The following VPS13B variants were observed in gnomAD, a reference collection of about 807,000 sequenced individuals.
VPS13B encodes the protein intermembrane lipid transfer protein VPS13B.
A neutral mutation model predicts 426.4 loss-of-function variants in VPS13B; 285 were observed. The ratio of observed to expected loss-of-function variants is 0.67; its 90% CI spans 0.61 to 0.74. The LOEUF is 0.74. Ranked by LOEUF, VPS13B falls within the 30% of genes least tolerant of loss-of-function variation. VPS13B has a pLI of 0.00. For synonymous variants in VPS13B, 1,676 were observed against 1,676.4 expected (o/e 1.00, Z 0.01); for missense variants, 4,537 against 4,782.6 (o/e 0.95, Z 1.51).
At chr8:99,105,194 T>C (rs1368119820) in intron 5 of VPS13B, among the ~76,000 whole-genome samples, 1 of 152,112 alleles carries the variant, frequency 6.6e-6, no homozygotes. Flanking sequence ...AGCATAAAAG[T>C]GTAGGTAAGG....
In VPS13B at chr8:99,133,738, A is replaced by G. The variant is rs140991881; in HGVS notation, c.1207-894A>G. Among the ~76,000 whole-genome samples the G allele has an allele frequency of 4.0e-4, 61 of 152,318 alleles. 1 individual carries two copies. The highest frequency in any genetic ancestry group is 3.4e-3 in the Middle Eastern group (1 of 294). The stretch of plus-strand genomic sequence containing the variant: ...GAGGGGAGTGGCTAGACAGTGGAAC[A>G]GTCAGAACACACACATGTATCAATT... On this transcript the variant is annotated intron_variant, in intron 8 of 61. Coordinates refer to ENST00000357162, the MANE Select transcript of VPS13B (RefSeq NM_152564.5).
At chr8:99,256,077 A>G (rs1817729124) in intron 17 of VPS13B, among the ~76,000 whole-genome samples, 1 of 152,086 alleles carries the variant, frequency 6.6e-6, no homozygotes, top group Non-Finnish European at 1.5e-5. Context: ...CTGTTTTGCT[A>G]GGATACCTCT....
intron 19 of VPS13B, among the ~76,000 whole-genome samples, chr8:99,358,985 A>C (rs769597596): frequency 2.6e-5 from 4 of 152,198 alleles, no homozygotes; most frequent in Non-Finnish European, 5.9e-5. Flanking sequence ...TATATTAACA[A>C]CATAGCTTTG....
At chr8:99,175,718 C>T (rs1306832893) in intron 16 of VPS13B, among the ~76,000 whole-genome samples, 1 of 152,180 alleles carries the variant, frequency 6.6e-6, no homozygotes, top group Non-Finnish European at 1.5e-5. Flanking sequence ...GATCATGCCA[C>T]TGCTCTCCAG....
At chr8:99,479,210 C>A (rs992453992) in intron 24 of VPS13B, among the ~76,000 whole-genome samples, 2 of 152,122 alleles carry the variant, frequency 1.3e-5, no homozygotes. Flanking sequence ...TCATCTAAAT[C>A]CTGTCTCTCC....
Position 99,521,099 on chromosome 8 carries a change from A to C in VPS13B, c.4745+89A>C, listed in dbSNP as rs1822360795. ...CAATAACTTAGTGTGGCCTGTAGAA[A>C]TATTTCTCATTCAGGATCTTTTGAT... On this transcript the variant is annotated intron_variant, in intron 30 of 61. Transcript: ENST00000357162. The C allele has an allele frequency of 1.7e-4, 183 of 1,055,218 alleles. 4 individuals are homozygous for C. In the South Asian group the frequency reaches 2.3e-3, roughly 13 times the overall value. 65.4% of individuals were successfully genotyped at this position (1,055,218 alleles called of 1,614,324 possible).
intron 14 of VPS13B, among the ~76,000 whole-genome samples, chr8:99,154,687 C>T (rs1488994338): frequency 1.3e-5 from 2 of 152,074 alleles, no homozygotes; most frequent in Admixed American, 6.5e-5. Flanking sequence ...CTGGGGCCTT[C>T]CTTTGAGACC....
chr8:99,254,675 A>G (rs1817661103), intron 17 of VPS13B, among the ~76,000 whole-genome samples: 1 of 151,806 alleles, frequency 6.6e-6, no homozygotes, highest in African/African-American at 2.4e-5. Context: ...ACGGAATCTC[A>G]CTGTGTCACC....
intron 26 of VPS13B, among the ~76,000 whole-genome samples, chr8:99,502,211 T>TG (rs1292396056): frequency 1.3e-5 from 2 of 152,140 alleles, no homozygotes; most frequent in Admixed American, 6.6e-5. Flanking sequence ...CTTGAACTCC[T>TG]GACCTCAGGT....
chr8:99,688,850 C>T (rs548539677), intron 35 of VPS13B, among the ~76,000 whole-genome samples: 1 of 151,922 alleles, frequency 6.6e-6, no homozygotes, highest in Admixed American at 6.6e-5. Flanking sequence ...TATATCATCT[C>T]GAGGTCACAG....
chr8:99,247,493 A>G (rs186899878), intron 17 of VPS13B, among the ~76,000 whole-genome samples: 113 of 152,266 alleles, frequency 7.4e-4, no homozygotes, highest in African/African-American at 2.6e-3. Flanking sequence ...TTTTAATAAT[A>G]GTTTTTTCTA....
intron 21 of VPS13B, among the ~76,000 whole-genome samples, chr8:99,424,703 T>G (rs1588361462): frequency 6.6e-6 from 1 of 152,182 alleles, no homozygotes; most frequent in Non-Finnish European, 1.5e-5. Context: ...AAGAAATAAC[T>G]AAGATCAGAG....
intron 35 of VPS13B, among the ~76,000 whole-genome samples, chr8:99,688,979 C>T (rs115754157): frequency 0.012 from 1,813 of 152,066 alleles, 53 homozygotes; most frequent in African/African-American, 0.041. Flanking sequence ...CAGAGAATAA[C>T]TTGTAAATAG....
chr8:99,597,094 A>G (rs1231311208), intron 33 of VPS13B, among the ~76,000 whole-genome samples: 1 of 151,976 alleles, frequency 6.6e-6, no homozygotes, highest in Non-Finnish European at 1.5e-5. Context: ...GTCTTTTCCT[A>G]TTGGTTCTAC....
intron 8 of VPS13B, among the ~76,000 whole-genome samples, chr8:99,129,284 TA>T (rs1461249125): frequency 2.0e-5 from 3 of 151,658 alleles, no homozygotes; most frequent in South Asian, 2.1e-4. Context: ...AATAAGATAT[TA>T]AAAAATATAA....
chr8:99,307,389 A>G lies in VPS13B; in HGVS notation c.2824+32135A>G, dbSNP rs1443432013. Among the ~76,000 whole-genome samples, 4 of 152,096 alleles carry G rather than the reference A, an allele frequency of 2.6e-5. No homozygotes were observed. In the East Asian group the frequency reaches 5.8e-4, roughly 22 times the overall value. ...CTTGTACAGTTATATAATTTCACTC[A>G]CAGATATGAAAGCAAAGAAATATTT... On this transcript the variant is annotated intron_variant, in intron 19 of 61. Coordinates refer to ENST00000357162, the MANE Select transcript of VPS13B (RefSeq NM_152564.5).
At chr8:99,184,070 T>C (rs1335191929) in intron 16 of VPS13B, among the ~76,000 whole-genome samples, 4 of 152,236 alleles carry the variant, frequency 2.6e-5, no homozygotes, top group Non-Finnish European at 4.4e-5. Context: ...CTTCTTTTTA[T>C]TGCTAAATAG....
intron 56 of VPS13B, 80 bp from the exon 57 acceptor site, chr8:99,859,224 G>T (rs1186923145): frequency 1.3e-6 from 2 of 1,563,062 alleles, no homozygotes; most frequent in Non-Finnish European, 1.8e-6. Flanking sequence ...GAATTGCAGG[G>T]AAAATGGGTC....
chr8:99,577,416 A>T (rs924697917), intron 32 of VPS13B, 74 bp from the exon 33 acceptor site: 1 of 1,601,708 alleles, frequency 6.2e-7, no homozygotes, highest in African/African-American at 1.3e-5. Context: ...TGAAGGTCAA[A>T]TAAGTAAGAA....
Sources: allele counts gnomAD v4.1 joint callset (sites outside exome capture counted in the v4.1 genomes callset), GRCh38; gene constraint gnomAD v4.1.1; transcripts MANE v1.5; gene names NCBI Gene and HGNC (gene_info 2026-07-23, HGNC 2026-07-21).